MACROD2: variants seen among roughly 807,000 people sequenced by gnomAD.
MACROD2 encodes the protein mono-ADP ribosylhydrolase 2, also known as ADP-ribose glycohydrolase MACROD2.
In MACROD2, 36 loss-of-function variants were observed where a neutral mutation model predicts 70.4. The observed-to-expected ratio is 0.51, with a 90% CI of 0.39 to 0.68. The LOEUF (loss-of-function observed/expected upper bound fraction) is 0.68, where lower values mean the gene tolerates loss of function less well. Among genes scored for constraint, MACROD2 ranks in the 30% least tolerant of loss-of-function variants. The probability of loss-of-function intolerance (pLI) is 0.00; values close to 1 mark genes in which losing one functional copy is unlikely to be tolerated. For synonymous variants in MACROD2, 172 were observed against 178.8 expected (o/e 0.96, Z 0.30); for missense variants, 496 against 538.4 (o/e 0.92, Z 0.78).
intron 3 of MACROD2, among the ~76,000 whole-genome samples, chr20:14,247,923 T>C (rs542799767): frequency 6.6e-6 from 1 of 152,332 alleles, no homozygotes; most frequent in African/African-American, 2.4e-5. Flanking sequence ...AAAAAAATGC[T>C]GTTTACAGTA....
At chr20:15,656,078 T>C (rs549439580) in intron 8 of MACROD2, among the ~76,000 whole-genome samples, 161 of 152,322 alleles carry the variant, frequency 1.1e-3, no homozygotes, top group African/African-American at 3.8e-3. Context: ...CTATTGTTTT[T>C]GGCTTATACA....
At chr20:15,801,932 T>A (rs1241277276) in intron 8 of MACROD2, among the ~76,000 whole-genome samples, 4 of 152,154 alleles carry the variant, frequency 2.6e-5, no homozygotes, top group African/African-American at 9.7e-5. Flanking sequence ...GTTAAATTTA[T>A]TCCTACATAT....
At chr20:15,267,561 C>T (rs914457887) in intron 6 of MACROD2, among the ~76,000 whole-genome samples, 3 of 152,132 alleles carry the variant, frequency 2.0e-5, no homozygotes, top group Non-Finnish European at 4.4e-5. Context: ...CATGGGATGG[C>T]GTCAGACATT....
chr20:15,004,580 A>G (rs113059512), intron 5 of MACROD2, among the ~76,000 whole-genome samples: 3,253 of 152,334 alleles, frequency 0.021, 69 homozygotes, highest in Admixed American at 0.048. Context: ...TTCTTTTGCC[A>G]CTAAAGACAT....
intron 2 of MACROD2, among the ~76,000 whole-genome samples, chr20:14,021,226 T>TGA (rs908305522): frequency 2.0e-5 from 3 of 152,190 alleles, no homozygotes; most frequent in Non-Finnish European, 4.4e-5. Context: ...CTTGACCTCG[T>TGA]GATCCGCCTA....
chr20:14,142,489 T>C (rs753209461), intron 3 of MACROD2, among the ~76,000 whole-genome samples: 10 of 152,338 alleles, frequency 6.6e-5, no homozygotes, highest in Admixed American at 2.0e-4. Flanking sequence ...TGTCCTCGTG[T>C]AAATGAAGGA....
rs1182272964 is a variant in MACROD2, at chr20:14,049,190, C to CAAAAAA, written c.164-36429_164-36424dup. Among the ~76,000 whole-genome samples the CAAAAAA allele has an allele frequency of 9.6e-5, 13 of 134,882 alleles. No homozygotes were observed. The East Asian group carries it at 1.1e-3, about 11-fold the overall frequency. 88.5% of individuals were successfully genotyped at this position (134,882 alleles called of 152,430 possible). On this transcript the variant is annotated intron_variant, in intron 2 of 17. Coordinates refer to ENST00000684519, the MANE Select transcript of MACROD2 (RefSeq NM_001351661.2). Reference sequence around the variant, plus strand: ...TATATTTAATAAAAAAAAAAAAAAACAAAAAAACAAAAAAGCCTATAACAG... The same window carrying CAAAAAA: ...TATATTTAATAAAAAAAAAAAAAAACAAAAAAAAAAAAACAAAAAAGCCTATAACAG...
intron 10 of MACROD2, among the ~76,000 whole-genome samples, chr20:15,901,347 T>C (rs527967073): frequency 9.2e-5 from 14 of 152,228 alleles, no homozygotes; most frequent in Non-Finnish European, 1.8e-4. Context: ...TTTGACTTGA[T>C]GGTGTGAAAG....
At chr20:14,391,936 G>A (rs888962739) in intron 3 of MACROD2, among the ~76,000 whole-genome samples, 1 of 151,136 alleles carries the variant, frequency 6.6e-6, no homozygotes, top group South Asian at 2.1e-4. Flanking sequence ...ATATACCCAT[G>A]TAACAGATCT....
At chr20:14,600,343 T>TATATATATATACACACAC (rs1320891260) in intron 4 of MACROD2, among the ~76,000 whole-genome samples, 2 of 130,220 alleles carry the variant, frequency 1.5e-5, no homozygotes, top group African/African-American at 6.3e-5. Flanking sequence ...TATATATATA[T>TATATATATATACACACAC]ACACACACAC....
intron 3 of MACROD2, among the ~76,000 whole-genome samples, chr20:14,240,369 G>A (rs2081918171): frequency 6.6e-6 from 1 of 152,106 alleles, no homozygotes; most frequent in Non-Finnish European, 1.5e-5. Flanking sequence ...AAATCATTAT[G>A]CAAAAAAGAA....
intron 6 of MACROD2, among the ~76,000 whole-genome samples, chr20:15,324,246 T>C (rs1269082549): frequency 6.6e-6 from 1 of 152,164 alleles, no homozygotes; most frequent in African/African-American, 2.4e-5. Context: ...AATTTTCACA[T>C]ACTCTGACAT....
intron 8 of MACROD2, among the ~76,000 whole-genome samples, chr20:15,686,932 C>T (rs1485341070): frequency 6.7e-6 from 1 of 148,434 alleles, no homozygotes; most frequent in Non-Finnish European, 1.5e-5. Context: ...CAGGACAAGA[C>T]CCTGTCTCAA....
At chr20:15,911,086 C>T (rs1472757781) in intron 10 of MACROD2, among the ~76,000 whole-genome samples, 2 of 152,174 alleles carry the variant, frequency 1.3e-5, no homozygotes, top group East Asian at 1.9e-4. Flanking sequence ...TCATTGTCTC[C>T]GATTGGCTAG....
intron 5 of MACROD2, among the ~76,000 whole-genome samples, chr20:15,215,252 T>TTGTGTGTGTGTGTGTG: frequency 1.5e-5 from 2 of 135,548 alleles, no homozygotes; most frequent in Admixed American, 7.4e-5. Context: ...CTCCTGTATT[T>TTGTGTGTGTGTGTGTG]TGTGTGTGTG....
At chr20:15,676,557 A>G (rs201215) in intron 8 of MACROD2, among the ~76,000 whole-genome samples, 20,781 of 152,194 alleles carry the variant, frequency 0.14, 1,709 homozygotes, top group East Asian at 0.27. Context: ...CCCTACCTCC[A>G]GTCAAAATCA....
intron 7 of MACROD2, among the ~76,000 whole-genome samples, chr20:15,466,390 C>CATACAGCCA (rs751520797): frequency 1.3e-5 from 2 of 152,206 alleles, no homozygotes; most frequent in Non-Finnish European, 2.9e-5. Flanking sequence ...ATCCCACCTG[C>CATACAGCCA]ATACAGCCAT....
intron 10 of MACROD2, among the ~76,000 whole-genome samples, chr20:15,900,102 C>T (rs1345331648): frequency 1.3e-5 from 2 of 152,040 alleles, no homozygotes; most frequent in Non-Finnish European, 2.9e-5. Flanking sequence ...GAATGCCATG[C>T]AGCAGTTCAT....
chr20:14,782,833 C>T (rs2072319012), intron 5 of MACROD2, among the ~76,000 whole-genome samples: 1 of 152,100 alleles, frequency 6.6e-6, no homozygotes, highest in Non-Finnish European at 1.5e-5. Context: ...GCTGCTTCCC[C>T]TAAAAAGAAC....
Sources: allele counts gnomAD v4.1 joint callset (sites outside exome capture counted in the v4.1 genomes callset), GRCh38; gene constraint gnomAD v4.1.1; transcripts MANE v1.5; gene names NCBI Gene and HGNC (gene_info 2026-07-23, HGNC 2026-07-21).